The following ANKHD1 variants were observed in gnomAD, a reference collection of about 807,000 sequenced individuals.
The protein encoded by ANKHD1 is ankyrin repeat and KH domain-containing protein 1.
In ANKHD1, 31 loss-of-function variants were observed where a neutral mutation model predicts 230.5. The ratio of observed to expected loss-of-function variants is 0.13; its 90% confidence interval spans 0.10 to 0.18. ANKHD1 has a LOEUF of 0.18. ANKHD1 is among the 10% of genes least tolerant of loss of function. The pLI is 1.00. For missense variants in ANKHD1, 2,256 were observed against 3,071.3 expected, an observed-to-expected ratio of 0.73 and a Z score of 6.27; for synonymous variants, 1,074 against 1,117.6, an observed-to-expected ratio of 0.96 and a Z score of 0.78.
chr5:140,468,419 A>C (rs1248634405), intron 10 of ANKHD1, among the ~76,000 whole-genome samples: 2 of 152,162 alleles, frequency 1.3e-5, no homozygotes, highest in African/African-American at 4.8e-5. Context: ...AAAATAGTTG[A>C]GCAATTGGAA....
In ANKHD1 at chr5:140,527,522, TGG is replaced by T. The variant is rs1753658651; in HGVS notation, c.5088-350_5088-349del. 1 of 208,150 alleles carries T rather than the reference TGG, an allele frequency of 4.8e-6. No homozygotes were observed. The highest frequency in any genetic ancestry group is 9.6e-6 in the Non-Finnish European group (1 of 104,094). 12.9% of individuals were successfully genotyped at this position (208,150 alleles called of 1,614,324 possible). On this transcript the variant is annotated intron_variant, in intron 27 of 33. Transcript: ENST00000360839. The surrounding 1 kb of genome is among the most constrained non-coding windows in gnomAD (Gnocchi z 4.5). ...TTATTCTGTGTGGATTTTAATAATA[TGG>T]TATTCATTATTTTAACAGGGTCATT... is the stretch of plus-strand genomic sequence containing the variant.
rs780252120 is a variant in ANKHD1 at position 140,528,549 on chromosome 5, G to A, written c.5603G>A (p.Arg1868Gln). ...GCTGCTCAAACTATGCAACAGATTC[G>A]GCATCCTCGCTTACCCATGGCCCAG... ...LLAAQTMQQI[R>Q]HPRLPMAQFG... The change falls in exon 29 of 34, where the codon CGG becomes CAG. Residue 1868 changes from arginine to glutamine, a missense_variant. Coordinates refer to ENST00000360839, the MANE Select transcript of ANKHD1 (RefSeq NM_017747.3). The A allele has an allele frequency of 2.5e-5, 41 of 1,613,846 alleles. 1 individual carries two copies. The South Asian group carries it at 3.7e-4, about 15-fold the overall frequency.
Position 140,507,253 on chromosome 5 carries a change from T to TG in ANKHD1, c.3551+276_3551+277insG, listed in dbSNP as rs1752579631. 2.0e-5 allele frequency among the ~76,000 whole-genome samples: 3 copies of TG among 152,356 alleles called. No individual in the cohort carries two copies. Among genetic ancestry groups the TG allele is most frequent in the African/African-American group, 7.2e-5 (3 of 41,580 alleles). ...TCATCTGATCTCAGAAACGGTATTT[T>TG]ATTTTATATAGTTGGAAATTTATAA... On this transcript the variant is annotated intron_variant, in intron 19 of 33. Transcript: ENST00000360839. This position sits in a 1 kb window ranked among gnomAD's most constrained non-coding sequence, Gnocchi z 4.1.
In ANKHD1 at chr5:140,528,911, G is replaced by C. The variant is rs913108890; in HGVS notation, c.5965G>C (p.Val1989Leu). The change falls in exon 29 of 34, where the codon GTC becomes CTC. Residue 1989 changes from valine (V) to leucine (L), a missense_variant. Val to Leu is a conservative substitution (Grantham distance 32, BLOSUM62 1). Transcript: ENST00000360839. ...AAGCACTTGTAGTTCCCTGCCTTCT[G>C]TCTCCTCTGCACCTATCACTAGCGG... Reference protein sequence around the residue: ...VTSTCSSLPSVSSAPITSGQA... With the variant: ...VTSTCSSLPSLSSAPITSGQA... 3 of 1,614,176 alleles carry C rather than the reference G, an allele frequency of 1.9e-6. No individual in the cohort carries two copies. In the African/African-American group the frequency reaches 4.0e-5, roughly 22 times the overall value.
intron 29 of ANKHD1, among the ~76,000 whole-genome samples, chr5:140,534,867 A>ACTAC (rs1754002543): frequency 6.6e-6 from 1 of 152,256 alleles, no homozygotes; most frequent in Admixed American, 6.5e-5. Flanking sequence ...TACTGAAATT[A>ACTAC]TCCTCAGTAG....
intron 1 of ANKHD1, among the ~76,000 whole-genome samples, chr5:140,412,284 C>T (rs974732569): frequency 6.6e-5 from 10 of 152,162 alleles, no homozygotes; most frequent in African/African-American, 2.4e-4. Flanking sequence ...GATCTGCCCA[C>T]CTCCCAAAGT....
At chr5:140,466,374 A>G (rs1192825644) in intron 10 of ANKHD1, among the ~76,000 whole-genome samples, 2 of 149,354 alleles carry the variant, frequency 1.3e-5, no homozygotes, top group African/African-American at 4.9e-5. Context: ...CTGGGCAACA[A>G]GAGCAAAAAC....
chr5:140,404,441 G>GT lies in ANKHD1; in HGVS notation c.306+2176dup, dbSNP rs201308896. On this transcript the variant is annotated intron_variant, in intron 1 of 33. Coordinates refer to ENST00000360839, the MANE Select transcript of ANKHD1 (RefSeq NM_017747.3). ...TTAATTTTAATTTTTTGTTTTTTTT[G>GT]TTTTTTTTGAGACTGTGTCTTGCTC... Among the ~76,000 whole-genome samples, 1,038 of 149,680 alleles carry GT rather than the reference G, an allele frequency of 6.9e-3. 5 individuals are homozygous for GT. The highest frequency in any genetic ancestry group is 0.017 in the African/African-American group (672 of 40,602).
At chr5:140,416,565 C>G (rs574513913) in intron 1 of ANKHD1, among the ~76,000 whole-genome samples, 1 of 152,284 alleles carries the variant, frequency 6.6e-6, no homozygotes, top group South Asian at 2.1e-4. Context: ...ATGTCTGTCT[C>G]TTTGCCACCA....
Position 140,458,967 on chromosome 5 carries a change from T to TG in ANKHD1, c.1480+105_1480+106insG. 3 of 25,120 alleles carry TG rather than the reference T, an allele frequency of 1.2e-4. 1 individual carries two copies. The South Asian group carries it at 5.6e-3, about 47-fold the overall frequency. 1.6% of individuals were successfully genotyped at this position (25,120 alleles called of 1,614,324 possible). A position where few individuals can be genotyped will look rare whatever the true frequency, so the allele number is the denominator to read the frequency against. On this transcript the variant is annotated intron_variant, in intron 8 of 33. Coordinates refer to ENST00000360839, the MANE Select transcript of ANKHD1 (RefSeq NM_017747.3). Reference sequence around the variant, plus strand: ...TAGCATATATATATATATATATATATATATATATATATGCATATATATATA... The same window carrying TG: ...TAGCATATATATATATATATATATATGATATATATATATGCATATATATATA...
Position 140,459,354 on chromosome 5 carries a change from T to C in ANKHD1, c.1671T>C (p.Ser557=), listed in dbSNP as rs1775535358. 1.3e-6 allele frequency: 2 copies of C among 1,560,928 alleles called. No homozygotes were observed. The highest frequency in any genetic ancestry group is 1.2e-5 in the South Asian group (1 of 83,518). The change falls in exon 9 of 34, where the codon TCT becomes TCC. Residue 557 remains serine (S), a splice_region_variant and synonymous_variant. Transcript: ENST00000360839. ...HLELVKYLLA[S]GANVHATTAT... ...AATTGGTTAAATATTTGCTGGCTTC[T>C]GGTATGTGGCTTTAAGATGCCTTAT...
At chr5:140,479,496 AAGT>A (rs1000246510) in intron 10 of ANKHD1, among the ~76,000 whole-genome samples, 5 of 152,074 alleles carry the variant, frequency 3.3e-5, no homozygotes, top group Non-Finnish European at 5.9e-5. Flanking sequence ...CAATGCTCAT[AAGT>A]AGTACGATGT....
At chr5:140,456,934 G>C (rs1341186090) in intron 7 of ANKHD1, among the ~76,000 whole-genome samples, 1 of 152,036 alleles carries the variant, frequency 6.6e-6, no homozygotes, top group African/African-American at 2.4e-5. Flanking sequence ...TACAGAATGG[G>C]AGAAAATTTT....
At chr5:140,473,489 G>C (rs183604933) in intron 10 of ANKHD1, among the ~76,000 whole-genome samples, 78 of 151,544 alleles carry the variant, frequency 5.1e-4, no homozygotes, top group Non-Finnish European at 8.7e-4. Flanking sequence ...TGCTCAGGCT[G>C]GAATGCAGTG....
chr5:140,439,311 G>T (rs1773676512), intron 3 of ANKHD1, among the ~76,000 whole-genome samples: 1 of 152,070 alleles, frequency 6.6e-6, no homozygotes, highest in Non-Finnish European at 1.5e-5. Flanking sequence ...ATACAGGGGT[G>T]TCCAAATTTT....
intron 23 of ANKHD1, 68 bp from the exon 24 acceptor site, chr5:140,513,295 G>A: frequency 6.9e-7 from 1 of 1,452,318 alleles, no homozygotes; most frequent in Non-Finnish European, 9.3e-7. Flanking sequence ...ACTTTAATGT[G>A]CTCATCAGCT....
At chr5:140,513,328 A>G in intron 23 of ANKHD1, 35 bp from the exon 24 acceptor site, 4 of 1,567,786 alleles carry the variant, frequency 2.6e-6, no homozygotes, top group Non-Finnish European at 3.5e-6. Context: ...GGCCTCTTTC[A>G]TTATATATTT....
At chr5:140,512,947 C>T in intron 23 of ANKHD1, 24 bp downstream of exon 23, 1 of 1,563,074 alleles carries the variant, frequency 6.4e-7, no homozygotes, top group Non-Finnish European at 8.6e-7. Context: ...GCTACTGAAG[C>T]ACATTTTTGT....
Position 140,539,335 on chromosome 5 carries a change from C to G in ANKHD1, c.7570-24C>G, listed in dbSNP as rs779122714. ...GTCTAAAGATTCCTAATTAGAAATT[C>G]CAATTTTTCCTCCCCCTTTTCAGAT... On this transcript the variant is annotated intron_variant, in intron 33 of 33. Coordinates refer to ENST00000360839, the MANE Select transcript of ANKHD1 (RefSeq NM_017747.3). The G allele has an allele frequency of 8.1e-6, 13 of 1,611,650 alleles. No homozygotes were observed. In the South Asian group the frequency reaches 1.4e-4, roughly 18 times the overall value.
Sources: allele counts gnomAD v4.1 joint callset (sites outside exome capture counted in the v4.1 genomes callset), GRCh38; gene constraint gnomAD v4.1.1; non-coding constraint Gnocchi (gnomAD v3.1); transcripts MANE v1.5; gene names NCBI Gene and HGNC (gene_info 2026-07-23, HGNC 2026-07-21).